Variants in LOC128125817 observed in about 807,000 individuals in gnomAD.
At chr1:41,622,737 T>A in the LOC128125817 span, among the ~76,000 whole-genome samples, 1 of 152,144 alleles carries the variant, frequency 6.6e-6, no homozygotes, top group Non-Finnish European at 1.5e-5. Flanking sequence ...CACGTTTCTA[T>A]CACTCTCGGA....
the LOC128125817 span, among the ~76,000 whole-genome samples, chr1:41,593,559 C>T: frequency 6.6e-6 from 1 of 152,216 alleles, no homozygotes; most frequent in African/African-American, 2.4e-5. Flanking sequence ...AAAGGGGATA[C>T]ACCTTGAAGC....
At chr1:41,609,654 G>A in the LOC128125817 span, among the ~76,000 whole-genome samples, 51 of 152,306 alleles carry the variant, frequency 3.3e-4, no homozygotes, top group African/African-American at 1.1e-3. Context: ...TAGGCCCCAC[G>A]GCATGGCTCT....
At chr1:41,595,225 A>G in the LOC128125817 span, among the ~76,000 whole-genome samples, 1 of 152,182 alleles carries the variant, frequency 6.6e-6, no homozygotes. Context: ...GCCTTCTCCC[A>G]GTCCACCCCA....
chr1:41,607,183 C>T, the LOC128125817 span, among the ~76,000 whole-genome samples: 2 of 152,070 alleles, frequency 1.3e-5, no homozygotes, highest in South Asian at 4.1e-4. Flanking sequence ...TTTCTACCCA[C>T]CCCCTGACTG....
chr1:41,609,205 C>T, the LOC128125817 span, among the ~76,000 whole-genome samples: 16 of 152,298 alleles, frequency 1.1e-4, no homozygotes, highest in South Asian at 4.1e-4. Context: ...ATGTGGACAC[C>T]GGAAAGGAAG....
the LOC128125817 span, among the ~76,000 whole-genome samples, chr1:41,598,875 G>A: frequency 6.6e-6 from 1 of 151,036 alleles, no homozygotes; most frequent in Non-Finnish European, 1.5e-5. Flanking sequence ...GAGTGTAATG[G>A]CACAATTTCA....
the LOC128125817 span, among the ~76,000 whole-genome samples, chr1:41,603,496 A>C: frequency 5.9e-5 from 9 of 151,960 alleles, no homozygotes; most frequent in African/African-American, 2.2e-4. Flanking sequence ...AGCAGCTGGG[A>C]TTACAGGCAC....
the LOC128125817 span, chr1:41,585,362 A>C: frequency 2.5e-6 from 1 of 398,794 alleles, no homozygotes; most frequent in Non-Finnish European, 4.4e-6. Flanking sequence ...ACACACACAA[A>C]AGAGAAGACA....
At chr1:41,617,241 G>C in the LOC128125817 span, among the ~76,000 whole-genome samples, 3 of 120,872 alleles carry the variant, frequency 2.5e-5, no homozygotes, top group Non-Finnish European at 6.0e-5. Context: ...TATCTTTACA[G>C]ACTGATGCAT....
chr1:41,628,729 CA>C, the LOC128125817 span: 5 of 1,231,152 alleles, frequency 4.1e-6, no homozygotes, highest in Non-Finnish European at 5.1e-6. Flanking sequence ...GCATATTCAG[CA>C]ACAGCCCCCA....
At chr1:41,599,200 T>C in the LOC128125817 span, among the ~76,000 whole-genome samples, 1 of 152,198 alleles carries the variant, frequency 6.6e-6, no homozygotes, top group Admixed American at 6.5e-5. Flanking sequence ...CTATTGGATA[T>C]CCATATTAAA....
the LOC128125817 span, among the ~76,000 whole-genome samples, chr1:41,613,332 G>T: frequency 1.3e-5 from 2 of 152,206 alleles, no homozygotes; most frequent in Non-Finnish European, 2.9e-5. Context: ...ACTTTGGAAC[G>T]CGTGGGGCGG....
the LOC128125817 span, among the ~76,000 whole-genome samples, chr1:41,622,968 C>T: frequency 6.6e-6 from 1 of 152,218 alleles, no homozygotes; most frequent in Non-Finnish European, 1.5e-5. Flanking sequence ...GTTGTTATCT[C>T]CATCCTACTG....
At chr1:41,606,147 A>T in the LOC128125817 span, among the ~76,000 whole-genome samples, 1 of 150,564 alleles carries the variant, frequency 6.6e-6, no homozygotes, top group East Asian at 1.9e-4. Flanking sequence ...TTCGCATTCA[A>T]CCTCTCTCTC....
chr1:41,619,012 C>G, the LOC128125817 span, among the ~76,000 whole-genome samples: 1 of 152,292 alleles, frequency 6.6e-6, no homozygotes, highest in African/African-American at 2.4e-5. Context: ...GGCTGCTGCC[C>G]CCGCCCCCTC....
At chr1:41,620,671 T>C in the LOC128125817 span, among the ~76,000 whole-genome samples, 1 of 152,190 alleles carries the variant, frequency 6.6e-6, no homozygotes, top group African/African-American at 2.4e-5. Flanking sequence ...TCAATATGCT[T>C]AGTGCCCCAC....
At chr1:41,586,556 C>A in the LOC128125817 span, among the ~76,000 whole-genome samples, 3 of 141,442 alleles carry the variant, frequency 2.1e-5, no homozygotes, top group Non-Finnish European at 4.9e-5. Flanking sequence ...GCATGCCCTA[C>A]CCCCGGCATC....
the LOC128125817 span, among the ~76,000 whole-genome samples, chr1:41,596,379 C>T: frequency 6.6e-6 from 1 of 152,082 alleles, no homozygotes; most frequent in African/African-American, 2.4e-5. Context: ...AACCTAGAGT[C>T]CATAGATAGC....
At chr1:41,589,136 C>T in the LOC128125817 span, among the ~76,000 whole-genome samples, 1 of 152,334 alleles carries the variant, frequency 6.6e-6, no homozygotes. Context: ...AAAAGAGCCA[C>T]TTTTCCAGGG....
Sources: allele counts gnomAD v4.1 joint callset (sites outside exome capture counted in the v4.1 genomes callset), GRCh38; gene constraint gnomAD v4.1.1; transcripts MANE v1.5.